TRPM6: variants seen among roughly 807,000 people sequenced by gnomAD.
TRPM6 encodes transient receptor potential cation channel subfamily M member 6.
TRPM6 carries 111 observed loss-of-function variants against 247.6 expected under a neutral mutation model. The ratio of observed to expected loss-of-function variants is 0.45; its 90% CI spans 0.38 to 0.52. The LOEUF is 0.52. Ranked by LOEUF, TRPM6 falls within the 20% of genes least tolerant of loss-of-function variation. The pLI, the probability that TRPM6 is intolerant of heterozygous loss-of-function variation, is 0.00. For missense variants in TRPM6, 2,126 were observed against 2,421.5 expected (o/e 0.88, Z 2.56); for synonymous variants, 892 against 853.8 (o/e 1.04, Z -0.78).
intron 27 of TRPM6, among the ~76,000 whole-genome samples, chr9:74,758,693 G>T (rs190690835): frequency 1.2e-4 from 19 of 152,196 alleles, no homozygotes; most frequent in African/African-American, 3.9e-4. Flanking sequence ...AATGGTAAAG[G>T]ATTAAATGCT....
chr9:74,732,775 T>TC, intron 36 of TRPM6, 39 bp from the exon 37 acceptor site: 1 of 1,426,368 alleles, frequency 7.0e-7, no homozygotes, highest in Non-Finnish European at 9.8e-7. Context: ...CAAATGGAGA[T>TC]TTCATTTTCT....
chr9:74,761,019 T>C (rs930863908), intron 27 of TRPM6, among the ~76,000 whole-genome samples: 7 of 152,202 alleles, frequency 4.6e-5, no homozygotes, highest in African/African-American at 1.7e-4. Context: ...CCCTCCACCC[T>C]GGACTTCCCA....
intron 5 of TRPM6, among the ~76,000 whole-genome samples, chr9:74,834,916 T>C (rs775864671): frequency 6.6e-6 from 1 of 152,156 alleles, no homozygotes; most frequent in Non-Finnish European, 1.5e-5. Flanking sequence ...TGTGTCTTTA[T>C]AGTAGCATGA....
At chr9:74,866,207 T>C (rs1045497894) in intron 1 of TRPM6, among the ~76,000 whole-genome samples, 4 of 152,344 alleles carry the variant, frequency 2.6e-5, no homozygotes, top group Admixed American at 6.5e-5. Flanking sequence ...ATGACATTCA[T>C]AGTAAGGTTT....
chr9:74,806,699 A>G (rs1828538403), intron 14 of TRPM6, among the ~76,000 whole-genome samples: 1 of 152,242 alleles, frequency 6.6e-6, no homozygotes, highest in Admixed American at 6.5e-5. Context: ...TCCCATTTAT[A>G]GATGAGAAAA....
intron 14 of TRPM6, among the ~76,000 whole-genome samples, chr9:74,804,938 AC>A (rs1828481463): frequency 6.9e-6 from 1 of 144,018 alleles, no homozygotes; most frequent in Admixed American, 6.8e-5. Flanking sequence ...AAGAGGGAGA[AC>A]TTTTTAATAG....
intron 1 of TRPM6, among the ~76,000 whole-genome samples, chr9:74,880,754 AC>A (rs1163124881): frequency 6.6e-6 from 1 of 152,188 alleles, no homozygotes; most frequent in Non-Finnish European, 1.5e-5. Context: ...AAAGTATAAA[AC>A]CCACTAATAG....
chr9:74,854,572 C>T (rs1198458342), intron 3 of TRPM6, among the ~76,000 whole-genome samples: 1 of 152,166 alleles, frequency 6.6e-6, no homozygotes, highest in Non-Finnish European at 1.5e-5. Flanking sequence ...AATTCTTCCT[C>T]CAGCAACCTC....
chr9:74,729,978 T>C (rs1276966759), intron 37 of TRPM6, among the ~76,000 whole-genome samples: 2 of 152,126 alleles, frequency 1.3e-5, no homozygotes, highest in Admixed American at 1.3e-4. Flanking sequence ...AGAATCAAAA[T>C]TAATACCAAA....
intron 18 of TRPM6, 78 bp from the exon 19 acceptor site, chr9:74,792,848 T>C: frequency 7.4e-7 from 1 of 1,346,956 alleles, no homozygotes; most frequent in Non-Finnish European, 1.0e-6. Flanking sequence ...CCAAAAAATA[T>C]CATAAATAAT....
At position 74,785,877 on chromosome 9, in the gene TRPM6, T is replaced by A; in HGVS notation, c.2916A>T (p.Lys972Asn). 6.2e-7 allele frequency: 1 copy of A among 1,614,160 alleles called. No homozygotes were observed. The highest frequency in any genetic ancestry group is 8.5e-7 in the Non-Finnish European group (1 of 1,180,042). ...HAGPYVTMIA[K>N]MTANMFYIVI... ...TATAAAACTAGACTGTACTCACCAT[T>A]TTTGCAATCATGGTCACATATGGAC... is the stretch of plus-strand genomic sequence containing the variant. Residue 972 changes from lysine (K) to asparagine (N), a missense_variant, in exon 21 of 39, where the codon AAA becomes AAT. Lys to Asn is a moderately conservative substitution (Grantham distance 94). Coordinates refer to ENST00000360774, the MANE Select transcript of TRPM6 (RefSeq NM_017662.5).
chr9:74,790,008 G>A (rs1337262697), intron 19 of TRPM6, among the ~76,000 whole-genome samples: 1 of 132,074 alleles, frequency 7.6e-6, no homozygotes, highest in Non-Finnish European at 1.6e-5. Flanking sequence ...AGAGAAAAAT[G>A]TGTGTGTGTG....
At chr9:74,852,818 A>G (rs867344392) in intron 3 of TRPM6, among the ~76,000 whole-genome samples, 10 of 152,090 alleles carry the variant, frequency 6.6e-5, no homozygotes, top group Non-Finnish European at 1.2e-4. Context: ...GCTGGAGTGC[A>G]GTGGTGTGAT....
rs1360025693 is a variant in TRPM6, at chr9:74,739,422, T to G, written c.5515A>C (p.Lys1839Gln). The G allele has an allele frequency of 6.8e-6, 11 of 1,614,020 alleles. No homozygotes were observed. The highest frequency in any genetic ancestry group is 1.3e-5 in the African/African-American group (1 of 74,894). The change falls in exon 35 of 39, where the codon AAA becomes CAA. Residue 1839 changes from lysine (K) to glutamine (Q), a missense_variant. By Grantham distance (53) the Lys-to-Gln change is moderately conservative. Coordinates refer to ENST00000360774, the MANE Select transcript of TRPM6 (RefSeq NM_017662.5). The stretch of plus-strand genomic sequence containing the variant: ...ACTTGGTTGAAGGTATAGATCAATT[T>G]TTGAGCAGCTCTTTGTTGTTGAATT... ...REIQQQRAAQ[K>Q]LIYTFNQVKP...
chr9:74,816,465 G>GGA (rs1828930993), intron 11 of TRPM6, among the ~76,000 whole-genome samples: 1 of 93,644 alleles, frequency 1.1e-5, no homozygotes, highest in Non-Finnish European at 2.1e-5. Flanking sequence ...GCAGAGCCAG[G>GGA]AAAAAAAAAA....
intron 3 of TRPM6, among the ~76,000 whole-genome samples, chr9:74,847,146 C>T (rs1317000287): frequency 3.9e-5 from 6 of 152,204 alleles, no homozygotes; most frequent in Admixed American, 3.3e-4. Context: ...AGCAAGGACA[C>T]ATTTCCTTTG....
At chr9:74,797,473 T>C (rs1341431567) in intron 17 of TRPM6, among the ~76,000 whole-genome samples, 2 of 152,200 alleles carry the variant, frequency 1.3e-5, no homozygotes, top group African/African-American at 4.8e-5. Context: ...TAATACCTAA[T>C]ACAATGTAAA....
At chr9:74,843,842 A>G (rs1219503451) in intron 3 of TRPM6, among the ~76,000 whole-genome samples, 2 of 151,726 alleles carry the variant, frequency 1.3e-5, no homozygotes, top group African/African-American at 4.8e-5. Context: ...AAGAGTTGAA[A>G]TTTAAAGTTA....
At chr9:74,753,381 T>A (rs1214653391) in intron 28 of TRPM6, among the ~76,000 whole-genome samples, 3 of 151,958 alleles carry the variant, frequency 2.0e-5, no homozygotes, top group African/African-American at 7.3e-5. Flanking sequence ...AAAAAAAGTA[T>A]ACAAGAAGTA....
Sources: gnomAD v4.1 joint callset for allele counts (sites outside exome capture counted in the v4.1 genomes callset) on GRCh38, gnomAD v4.1.1 for gene constraint, MANE v1.5 for transcripts, NCBI Gene and HGNC (gene_info 2026-07-23, HGNC 2026-07-21) for gene names.